The following STIMATE variants were observed in gnomAD, a reference collection of about 807,000 sequenced individuals.
STIMATE encodes the protein STIM activating enhancer.
A neutral mutation model predicts 36.7 loss-of-function variants in STIMATE; 15 were observed. The ratio of observed to expected loss-of-function variants is 0.41; its 90% confidence interval spans 0.27 to 0.63. The LOEUF (loss-of-function observed/expected upper bound fraction) is 0.63, where lower values mean the gene tolerates loss of function less well. STIMATE is among the 20% of genes least tolerant of loss of function. The pLI is 0.32. For missense variants in STIMATE, 305 were observed against 397.3 expected, an observed-to-expected ratio of 0.77 and a Z score of 1.98; for synonymous variants, 163 against 162.3, an observed-to-expected ratio of 1.00 and a Z score of -0.03.
At chr3:52,884,302 G>A (rs1231298803) in intron 1 of STIMATE, among the ~76,000 whole-genome samples, 2 of 149,466 alleles carry the variant, frequency 1.3e-5, no homozygotes, top group Non-Finnish European at 3.0e-5. Flanking sequence ...CTGGAGGGCA[G>A]TGGCAAAATC....
At chr3:52,879,690 C>A (rs1246207856) in intron 1 of STIMATE, among the ~76,000 whole-genome samples, 1 of 152,220 alleles carries the variant, frequency 6.6e-6, no homozygotes, top group Non-Finnish European at 1.5e-5. Context: ...AATTTTCCTT[C>A]CACAAAGGAG....
chr3:52,856,272 T>C (rs1376761734), intron 1 of STIMATE, among the ~76,000 whole-genome samples: 1 of 152,018 alleles, frequency 6.6e-6, no homozygotes, highest in Non-Finnish European at 1.5e-5. Flanking sequence ...AGGGGCCAAA[T>C]GAGGGAGGGT....
In STIMATE at chr3:52,862,246, C is replaced by T. The variant is rs118182144; in HGVS notation, c.161-6802G>A. 7.1e-3 allele frequency among the ~76,000 whole-genome samples: 1,085 copies of T among 152,328 alleles called. 112 individuals are homozygous for T. In the South Asian group the frequency reaches 0.2, roughly 28 times the overall value. ...AACTGAAAAGTCTTCTGCATATGCC[C>T]CTTTCCCCATTTCTACTGGCAAGCT... On this transcript the variant is annotated intron_variant, in intron 1 of 7. Transcript: ENST00000355083.
chr3:52,840,020 T>C lies in STIMATE; in HGVS notation c.*474A>G, dbSNP rs1700769008. ...GAAATCAATAGTTACAAAAGCCATT[T>C]TGAGTAAGAAAGCATTCCGGTTCCA... On this transcript the variant is annotated 3_prime_UTR_variant, in exon 8 of 8. Coordinates refer to ENST00000355083, the MANE Select transcript of STIMATE (RefSeq NM_198563.5). The C allele has an allele frequency of 6.6e-6, 1 of 152,642 alleles. No individual in the cohort carries two copies. The highest frequency in any genetic ancestry group is 6.5e-5 in the Admixed American group (1 of 15,290). The allele number at this position is 152,642 out of a possible 1,614,324, so 9.5% of individuals were successfully genotyped here.
chr3:52,851,841 GCAT>G (rs1432592281), intron 3 of STIMATE, among the ~76,000 whole-genome samples: 1 of 152,062 alleles, frequency 6.6e-6, no homozygotes, highest in African/African-American at 2.4e-5. Context: ...AGACAGCAAA[GCAT>G]CATGTGGGCC....
chr3:52,855,328 A>ACCCCC, intron 2 of STIMATE, 68 bp downstream of exon 2: 1 of 1,121,080 alleles, frequency 8.9e-7, no homozygotes, highest in Non-Finnish European at 1.3e-6. Flanking sequence ...ACCATACCCC[A>ACCCCC]CCCCCAGCCC....
chr3:52,850,157 G>A (rs142724426), intron 3 of STIMATE, among the ~76,000 whole-genome samples: 108 of 152,320 alleles, frequency 7.1e-4, no homozygotes, highest in African/African-American at 2.3e-3. Flanking sequence ...TGCTGGCTGC[G>A]CGCGGTGGCT....
chr3:52,842,159 T>G (rs1001133232), intron 7 of STIMATE, among the ~76,000 whole-genome samples: 4 of 152,248 alleles, frequency 2.6e-5, no homozygotes, highest in African/African-American at 9.6e-5. Flanking sequence ...TCTCAGCTTT[T>G]CTGCAGCTCC....
chr3:52,851,368 CA>C (rs1700994294), intron 3 of STIMATE, among the ~76,000 whole-genome samples: 1 of 152,246 alleles, frequency 6.6e-6, no homozygotes, highest in South Asian at 2.1e-4. Flanking sequence ...CCACACACTC[CA>C]GGTGTGGTGA....
At chr3:52,884,246 GTT>G (rs10716399) in intron 1 of STIMATE, among the ~76,000 whole-genome samples, 54 of 128,698 alleles carry the variant, frequency 4.2e-4, no homozygotes, top group East Asian at 1.4e-3. Context: ...CACCCAAAAA[GTT>G]TTTTTTTTTT....
intron 1 of STIMATE, among the ~76,000 whole-genome samples, chr3:52,863,688 A>C (rs1299291326): frequency 1.3e-5 from 2 of 152,216 alleles, no homozygotes; most frequent in Admixed American, 6.5e-5. Context: ...GCTTCCACCT[A>C]TGAGCCTGTA....
At chr3:52,857,758 T>G (rs6776862) in intron 1 of STIMATE, among the ~76,000 whole-genome samples, 1 of 150,230 alleles carries the variant, frequency 6.7e-6, no homozygotes, top group African/African-American at 2.4e-5. Context: ...ATTATATTAT[T>G]ATTATATATA....
chr3:52,875,002 G>A (rs1701475875), intron 1 of STIMATE, among the ~76,000 whole-genome samples: 1 of 152,200 alleles, frequency 6.6e-6, no homozygotes, highest in Non-Finnish European at 1.5e-5. Context: ...CCAGCAGGCA[G>A]AACTCACGAG....
At position 52,839,412 on chromosome 3, in the gene STIMATE, T is replaced by C. The variant is rs947057817; in HGVS notation, c.*1082A>G. On this transcript the variant is annotated 3_prime_UTR_variant, in exon 8 of 8. Coordinates refer to ENST00000355083, the MANE Select transcript of STIMATE (RefSeq NM_198563.5). The stretch of plus-strand genomic sequence containing the variant: ...AGGCCAAGACCACTTTAAACCGTGA[T>C]TGGAGGCTCTGCAGACAGGCAGACT... 2 of 152,270 alleles carry C rather than the reference T, an allele frequency of 1.3e-5. No homozygotes were observed. The allele number at this position is 152,270 out of a possible 1,614,324, so 9.4% of individuals were successfully genotyped here. A position where few individuals can be genotyped will look rare whatever the true frequency, so the allele number is the denominator to read the frequency against.
At position 52,849,783 on chromosome 3, in the gene STIMATE, G is replaced by A; in HGVS notation, c.427+9C>T. On this transcript the variant is annotated intron_variant, in intron 4 of 7. Coordinates refer to ENST00000355083, the MANE Select transcript of STIMATE (RefSeq NM_198563.5). ...CCTCACGCCCTGTCCGGCATCCACAGCATATTACCATATTCGCCGAAGCGC... is the reference window on the plus strand; with the variant it reads ...CCTCACGCCCTGTCCGGCATCCACAACATATTACCATATTCGCCGAAGCGC... 1.9e-6 allele frequency: 3 copies of A among 1,611,400 alleles called. No individual in the cohort carries two copies. The highest frequency in any genetic ancestry group is 2.2e-5 in the East Asian group (1 of 44,854).
intron 5 of STIMATE, 50 bp downstream of exon 5, chr3:52,844,779 G>A: frequency 6.3e-7 from 1 of 1,599,306 alleles, no homozygotes; most frequent in South Asian, 1.1e-5. Context: ...GGGAGGAAGT[G>A]CTGCTTGCTC....
intron 1 of STIMATE, among the ~76,000 whole-genome samples, chr3:52,886,821 G>A (rs967527182): frequency 3.3e-5 from 5 of 152,162 alleles, no homozygotes; most frequent in African/African-American, 1.2e-4. Context: ...CTGACACCAG[G>A]CACCTCAGGT....
At chr3:52,844,461 C>T (rs575903258) in intron 5 of STIMATE, among the ~76,000 whole-genome samples, 4 of 152,302 alleles carry the variant, frequency 2.6e-5, no homozygotes, top group East Asian at 3.9e-4. Flanking sequence ...GGAAGCTGCC[C>T]GTGGCACCAC....
In STIMATE at chr3:52,838,327, G is replaced by A. The variant is rs915025065; in HGVS notation, c.*2167C>T. The A allele has an allele frequency of 6.6e-6, 1 of 152,164 alleles. No homozygotes were observed. The highest frequency in any genetic ancestry group is 1.5e-5 in the Non-Finnish European group (1 of 68,040). 9.4% of individuals were successfully genotyped at this position (152,164 alleles called of 1,614,324 possible). A position where few individuals can be genotyped will look rare whatever the true frequency, so the allele number is the denominator to read the frequency against. On this transcript the variant is annotated 3_prime_UTR_variant, in exon 8 of 8. Transcript: ENST00000355083. ...CCCCTGCCCTGTCTGGAAACATTAG[G>A]AGCTCAAGACTGAACATGAAGCTCC...
Sources: allele counts gnomAD v4.1 joint callset (sites outside exome capture counted in the v4.1 genomes callset), GRCh38; gene constraint gnomAD v4.1.1; transcripts MANE v1.5; gene names NCBI Gene and HGNC (gene_info 2026-07-23, HGNC 2026-07-21).